Variants in ARHGAP4 observed in about 807,000 individuals in gnomAD.
The protein encoded by ARHGAP4 is Rho GTPase activating protein 4.
ARHGAP4 carries 25 observed loss-of-function variants against 67.6 expected under a neutral mutation model. The ratio of observed to expected loss-of-function variants is 0.37; its 90% CI spans 0.27 to 0.52. The LOEUF is 0.52. Ranked by LOEUF, ARHGAP4 falls within the 20% of genes least tolerant of loss-of-function variation. The pLI is 0.92. For missense variants in ARHGAP4, 804 were observed against 854.6 expected, an observed-to-expected ratio of 0.94 and a Z score of 0.74; for synonymous variants, 448 against 373.7, an observed-to-expected ratio of 1.20 and a Z score of -2.29.
In ARHGAP4 at chrX:153,913,581, G is replaced by A. The variant is rs200790794; in HGVS notation, c.1154C>T (p.Ala385Val). 34 of 1,206,395 alleles carry A rather than the reference G, an allele frequency of 2.8e-5. No homozygotes were observed. The highest frequency in any genetic ancestry group is 3.5e-5 in the Non-Finnish European group (31 of 892,660). The change falls in exon 9 of 22, where the codon GCG becomes GTG. Residue 385 changes from alanine to valine, a missense_variant. Transcript: ENST00000350060. The stretch of plus-strand genomic sequence containing the variant: ...CACCTCCAGCAGGGCCTGCAGTGTC[G>A]CCTTCAGAGTCTTGTTCACCTGCAG... ...ETEEVNKTLK[A>V]TLQALLEVVA...
At chrX:153,908,352 G>T (rs1224868648) in intron 21 of ARHGAP4, among the ~76,000 whole-genome samples, 1 of 111,828 alleles carries the variant, frequency 8.9e-6, no homozygotes, top group Non-Finnish European at 1.9e-5. Context: ...CTGCTCCTCC[G>T]TGTCTACCGG....
chrX:153,910,812 G>A lies in ARHGAP4; in HGVS notation c.1704C>T (p.Gly568=). The A allele has an allele frequency of 8.4e-7, 1 of 1,191,961 alleles. No individual in the cohort carries two copies. Among genetic ancestry groups the A allele is most frequent in the Non-Finnish European group, 1.1e-6 (1 of 884,925 alleles). The part of the protein sequence containing the change: ...FERGEDPLVE[G]CTAHDLDSVA... ...CCGAGTCCAGGTCATGGGCAGTGCAGCCCTCCACCAGTGGGTCCTCCCCTG... is the reference window on the plus strand; with the variant it reads ...CCGAGTCCAGGTCATGGGCAGTGCAACCCTCCACCAGTGGGTCCTCCCCTG... The change falls in exon 15 of 22, where the codon GGC becomes GGT. Residue 568 remains glycine, a synonymous_variant. Transcript: ENST00000350060.
In ARHGAP4 at chrX:153,913,493, G is replaced by C. The variant is rs201645356; in HGVS notation, c.1242C>G (p.Leu414=). 20 of 1,210,676 alleles carry C rather than the reference G, an allele frequency of 1.7e-5. No individual in the cohort carries two copies. Among genetic ancestry groups the C allele is most frequent in the Middle Eastern group, 2.3e-4 (1 of 4,348 alleles). Residue 414 remains leucine, a synonymous_variant, in exon 9 of 22, where the codon CTC becomes CTG. Transcript: ENST00000350060. The stretch of plus-strand genomic sequence containing the variant: ...TGCCTGGGTCTGAGCTGGTGGACTT[G>C]AGGGACTCGGTGGAGGGGCTGGTCT... The part of the protein sequence containing the change: ...SFQTSPSTES[L]KSTSSDPGSR...
At chrX:153,920,406 G>A (rs782208796) in intron 5 of ARHGAP4, 25 of 428,329 alleles carry the variant, frequency 5.8e-5, no homozygotes, top group African/African-American at 9.9e-5. Context: ...CCCGCTGGGA[G>A]CATGGAGAGG....
At chrX:153,922,063 A>AG in intron 1 of ARHGAP4, 1 of 990,643 alleles carries the variant, frequency 1.0e-6, no homozygotes, top group Admixed American at 4.6e-5. Context: ...CACCCGGTTG[A>AG]GGGGGAAGGG....
At chrX:153,908,080 C>T in intron 21 of ARHGAP4, 118 bp from the exon 22 acceptor site, 1 of 573,708 alleles carries the variant, frequency 1.7e-6, no homozygotes, top group Non-Finnish European at 2.5e-6. Flanking sequence ...TCCCCAGTCC[C>T]TCAGCCTCCA....
At chrX:153,919,750 G>A in intron 5 of ARHGAP4, 1 of 1,022,570 alleles carries the variant, frequency 9.8e-7, no homozygotes, top group Non-Finnish European at 1.3e-6. Context: ...AACAGAACCT[G>A]CTGGCACCTG....
Position 153,921,409 on chromosome X carries a change from G to T in ARHGAP4, c.391C>A (p.Arg131Ser). 1.7e-6 allele frequency: 2 copies of T among 1,210,597 alleles called. No individual in the cohort carries two copies. Among genetic ancestry groups the T allele is most frequent in the Non-Finnish European group, 2.2e-6 (2 of 895,310 alleles). ...ACGTCCTCTGCAATGTGACTCAGGC[G>T]CTGGGCCAGGGGCCCGGCCAGCACC... Reference protein sequence around the residue: ...SEVLAGPLAQRLSHIAEDVGR... With the variant: ...SEVLAGPLAQSLSHIAEDVGR... Residue 131 changes from arginine to serine, a missense_variant, in exon 3 of 22, where the codon CGC becomes AGC. Arg to Ser is a moderately radical substitution (Grantham distance 110). Transcript: ENST00000350060.
rs782802838 is a variant in ARHGAP4, at chrX:153,919,302, G to A, written c.682-19C>T. ...CCTGCCGCTACTCAAGACAATGCAA[G>A]CGTGCCAGGGTCACGCACGTGGCCA... On this transcript the variant is annotated intron_variant, in intron 5 of 21. Coordinates refer to ENST00000350060, the MANE Select transcript of ARHGAP4 (RefSeq NM_001666.5). 3.3e-6 allele frequency: 4 copies of A among 1,212,230 alleles called. No individual in the cohort carries two copies. Among genetic ancestry groups the A allele is most frequent in the Non-Finnish European group, 4.5e-6 (4 of 895,627 alleles).
At chrX:153,924,955 G>A (rs922072662) in intron 1 of ARHGAP4, among the ~76,000 whole-genome samples, 9 of 112,337 alleles carry the variant, frequency 8.0e-5, no homozygotes, top group African/African-American at 2.9e-4. Context: ...CTTTTCCAGG[G>A]TGTGGGATGC....
At chrX:153,908,262 G>A (rs2064986580) in intron 21 of ARHGAP4, among the ~76,000 whole-genome samples, 1 of 112,085 alleles carries the variant, frequency 8.9e-6, no homozygotes. Flanking sequence ...CATGGCCTCA[G>A]GGACCGCCAG....
chrX:153,923,366 T>G (rs1470608580), intron 1 of ARHGAP4, among the ~76,000 whole-genome samples: 4 of 111,799 alleles, frequency 3.6e-5, no homozygotes, highest in African/African-American at 1.3e-4. Flanking sequence ...CTGCCCAGCA[T>G]CCCTACCTCC....
In ARHGAP4 at chrX:153,913,499, C is replaced by G; in HGVS notation, c.1236G>C (p.Glu412Asp). The change falls in exon 9 of 22, where the codon GAG (glutamate) becomes GAC (aspartate). Residue 412 changes from glutamate to aspartate, a missense_variant. Coordinates refer to ENST00000350060, the MANE Select transcript of ARHGAP4 (RefSeq NM_001666.5). ...GGTCTGAGCTGGTGGACTTGAGGGA[C>G]TCGGTGGAGGGGCTGGTCTGGAAGG... ...LDSFQTSPST[E>D]SLKSTSSDPG... 8.3e-7 allele frequency: 1 copy of G among 1,212,079 alleles called. No homozygotes were observed. Among genetic ancestry groups the G allele is most frequent in the Non-Finnish European group, 1.1e-6 (1 of 895,585 alleles).
chrX:153,910,889 G>GCC, intron 14 of ARHGAP4, 33 bp downstream of exon 14: 3 of 1,147,446 alleles, frequency 2.6e-6, no homozygotes, highest in Admixed American at 5.4e-5. Context: ...ATCTGCCCGA[G>GCC]CCCCCACCCC....
In ARHGAP4 at chrX:153,909,161, G is replaced by A. The variant is rs782661586; in HGVS notation, c.2516C>T (p.Pro839Leu). The change falls in exon 21 of 22, where the codon CCA (proline) becomes CTA (leucine). Residue 839 changes from proline to leucine, a missense_variant. Pro to Leu is a moderately conservative substitution (Grantham distance 98). Transcript: ENST00000350060. ...TCCCATGGCCTCAGGTGAGGTGCAT[G>A]GCTCTGGCCTGCAGGACAGACAGGG... ...LASELVHRPE[P>L]CTSPEAMGPS... 2.0e-5 allele frequency: 24 copies of A among 1,207,615 alleles called. No individual in the cohort carries two copies. In the South Asian group the frequency reaches 4.1e-4, roughly 21 times the overall value.
Position 153,921,121 on chromosome X carries a change from C to T in ARHGAP4, c.474G>A (p.Leu158=). Residue 158 remains leucine, a synonymous_variant, in exon 4 of 22, where the codon CTG becomes CTA. Transcript: ENST00000350060. ...DLEQQLQDEL[L]EVVSELQTAK... Reference sequence around the variant, plus strand: ...CCGTCTGGAGCTCTGAGACCACCTCCAGGAGCTCATCCTGCAGCTGCTGCT... The same window carrying T: ...CCGTCTGGAGCTCTGAGACCACCTCTAGGAGCTCATCCTGCAGCTGCTGCT... The T allele has an allele frequency of 8.3e-7, 1 of 1,204,461 alleles. No individual in the cohort carries two copies. The highest frequency in any genetic ancestry group is 1.1e-6 in the Non-Finnish European group (1 of 891,504).
intron 12 of ARHGAP4, among the ~76,000 whole-genome samples, chrX:153,911,499 C>T (rs1372928167): frequency 1.8e-5 from 2 of 111,622 alleles, no homozygotes; most frequent in Non-Finnish European, 1.9e-5. Flanking sequence ...TAGATCCACT[C>T]GTAGGTGTCT....
intron 7 of ARHGAP4, 84 bp downstream of exon 7, chrX:153,918,748 G>A (rs41301329): frequency 0.014 from 14,123 of 1,009,017 alleles, 114 homozygotes; most frequent in Non-Finnish European, 0.016. Flanking sequence ...GGATTCCTGA[G>A]CAAAGTGTGG....
chrX:153,914,470 TG>T (rs2065041694), intron 7 of ARHGAP4, among the ~76,000 whole-genome samples: 1 of 111,875 alleles, frequency 8.9e-6, no homozygotes, highest in South Asian at 3.7e-4. Flanking sequence ...CTGAGGCGGA[TG>T]GATTATCTGA....
Sources: gnomAD v4.1 joint callset for allele counts (sites outside exome capture counted in the v4.1 genomes callset) on GRCh38, gnomAD v4.1.1 for gene constraint, MANE v1.5 for transcripts, NCBI Gene and HGNC (gene_info 2026-07-23, HGNC 2026-07-21) for gene names.